CLNK: variants seen among roughly 807,000 people sequenced by gnomAD.
CLNK encodes cytokine-dependent hematopoietic cell linker.
Under a neutral mutation model 68.6 loss-of-function variants are expected in CLNK, and 74 were observed. The ratio of observed to expected loss-of-function variants is 1.08; its 90% confidence interval spans 0.89 to 1.31. The LOEUF is 1.31. CLNK is among the 50% of genes most tolerant of loss of function. The pLI is 0.00. For synonymous variants in CLNK, 198 were observed against 172.2 expected (o/e 1.15, Z -1.17); for missense variants, 553 against 515.3 (o/e 1.07, Z -0.71).
intron 4 of CLNK, among the ~76,000 whole-genome samples, chr4:10,584,528 GA>G (rs1720902731): frequency 1.3e-5 from 2 of 152,176 alleles, no homozygotes; most frequent in African/African-American, 4.8e-5. Context: ...GGTGGCTTTT[GA>G]ACCATTCATT....
chr4:10,542,977 T>C (rs1366195035), intron 8 of CLNK, among the ~76,000 whole-genome samples: 1 of 152,160 alleles, frequency 6.6e-6, no homozygotes, highest in Non-Finnish European at 1.5e-5. Flanking sequence ...GCTTCTACTC[T>C]GAGCTAAACA....
chr4:10,729,911 A>G, the CLNK span, among the ~76,000 whole-genome samples: 1 of 152,246 alleles, frequency 6.6e-6, no homozygotes, highest in African/African-American at 2.4e-5. Flanking sequence ...CAGAACGGTT[A>G]CTATATTCAG....
chr4:10,564,619 G>T, intron 7 of CLNK, 52 bp downstream of exon 7: 1 of 1,297,474 alleles, frequency 7.7e-7, no homozygotes, highest in South Asian at 1.2e-5. Flanking sequence ...TTTCTAGCTG[G>T]TTAGGAAGAG....
chr4:10,622,186 A>G (rs949931060), intron 2 of CLNK, among the ~76,000 whole-genome samples: 2 of 152,202 alleles, frequency 1.3e-5, no homozygotes, highest in South Asian at 2.1e-4. Flanking sequence ...TAAATACCAT[A>G]TAGATTGTTA....
chr4:10,699,775 A>T, the CLNK span, among the ~76,000 whole-genome samples: 39 of 151,566 alleles, frequency 2.6e-4, no homozygotes, highest in Non-Finnish European at 5.0e-4. Context: ...CAGCCTCCCA[A>T]AGTGCTAGAA....
intron 2 of CLNK, among the ~76,000 whole-genome samples, chr4:10,653,333 G>T (rs1364189118): frequency 6.6e-6 from 1 of 151,704 alleles, no homozygotes; most frequent in Non-Finnish European, 1.5e-5. Flanking sequence ...TGCACATTCT[G>T]CACACGTACT....
At chr4:10,697,644 C>T in the CLNK span, 1 of 152,178 alleles carries the variant, frequency 6.6e-6, no homozygotes, top group African/African-American at 2.4e-5. Flanking sequence ...AGAGTAGACT[C>T]TTCTTGTATT....
intron 1 of CLNK, among the ~76,000 whole-genome samples, 171 bp downstream of exon 1, chr4:10,684,497 A>T (rs1446203884): frequency 6.6e-6 from 1 of 152,178 alleles, no homozygotes; most frequent in Non-Finnish European, 1.5e-5. Flanking sequence ...AAGGATCTTT[A>T]ACAATTGAGT....
At chr4:10,733,504 C>CT in the CLNK span, among the ~76,000 whole-genome samples, 2 of 152,256 alleles carry the variant, frequency 1.3e-5, no homozygotes, top group African/African-American at 4.8e-5. Flanking sequence ...AAAATGGGGA[C>CT]TTTTTTTCCA....
intron 4 of CLNK, among the ~76,000 whole-genome samples, chr4:10,575,454 A>G (rs1720524755): frequency 6.6e-6 from 1 of 152,224 alleles, no homozygotes; most frequent in African/African-American, 2.4e-5. Flanking sequence ...TACCGGTGTC[A>G]AGCAAAAATT....
chr4:10,642,045 C>T (rs570687961), intron 2 of CLNK, among the ~76,000 whole-genome samples: 2 of 152,178 alleles, frequency 1.3e-5, no homozygotes, highest in African/African-American at 2.4e-5. Context: ...TACCGAGTCT[C>T]GTGTATGTCT....
At chr4:10,727,029 C>A in the CLNK span, among the ~76,000 whole-genome samples, 1 of 152,332 alleles carries the variant, frequency 6.6e-6, no homozygotes, top group South Asian at 2.1e-4. Context: ...TCCTCAGACA[C>A]AGCAGTATCC....
At chr4:10,595,311 G>C (rs762077078) in intron 3 of CLNK, among the ~76,000 whole-genome samples, 19 of 152,142 alleles carry the variant, frequency 1.2e-4, no homozygotes, top group Non-Finnish European at 2.6e-4. Context: ...GTGCATATTG[G>C]GTGCTCAGTT....
chr4:10,617,707 T>C (rs1722289852), intron 2 of CLNK, among the ~76,000 whole-genome samples: 1 of 152,264 alleles, frequency 6.6e-6, no homozygotes, highest in Non-Finnish European at 1.5e-5. Flanking sequence ...TTTTGTTTTA[T>C]TTGTACCATA....
chr4:10,707,073 G>A, the CLNK span, among the ~76,000 whole-genome samples: 692 of 152,184 alleles, frequency 4.5e-3, 3 homozygotes, highest in Non-Finnish European at 6.9e-3. Context: ...GAGCCATCGC[G>A]CCTGGCCCCT....
intron 2 of CLNK, among the ~76,000 whole-genome samples, chr4:10,634,512 T>C (rs918013739): frequency 6.6e-6 from 1 of 152,176 alleles, no homozygotes; most frequent in Non-Finnish European, 1.5e-5. Flanking sequence ...CCACATTTGA[T>C]CTAAGGAAGA....
intron 2 of CLNK, among the ~76,000 whole-genome samples, chr4:10,650,746 G>A (rs887583744): frequency 5.9e-5 from 9 of 151,752 alleles, no homozygotes; most frequent in African/African-American, 2.2e-4. Context: ...TCTTCATACT[G>A]AAAAATGCAA....
intron 1 of CLNK, among the ~76,000 whole-genome samples, chr4:10,668,961 G>C (rs755366617): frequency 1.3e-5 from 2 of 152,124 alleles, no homozygotes; most frequent in Non-Finnish European, 2.9e-5. Context: ...GTAGAGAGTG[G>C]GTTTTACAGT....
intron 4 of CLNK, among the ~76,000 whole-genome samples, chr4:10,581,196 TACACAATCTAGG>T (rs1189349306): frequency 6.6e-6 from 1 of 152,184 alleles, no homozygotes; most frequent in African/African-American, 2.4e-5. Flanking sequence ...AGTAGTAGGT[TACACAATCTAGG>T]TTTGTGTAAG....
Sources: allele counts gnomAD v4.1 joint callset (sites outside exome capture counted in the v4.1 genomes callset), GRCh38; gene constraint gnomAD v4.1.1; transcripts MANE v1.5; gene names NCBI Gene and HGNC (gene_info 2026-07-23, HGNC 2026-07-21).